XPO4: variants seen among roughly 807,000 people sequenced by gnomAD.
XPO4 encodes the protein exportin 4.
Under a neutral mutation model 143.0 loss-of-function variants are expected in XPO4, and 39 were observed. That is an observed-to-expected ratio of 0.27 (90% CI 0.21 to 0.36). The LOEUF is 0.36. XPO4 is among the 10% of genes least tolerant of loss of function. The pLI is 1.00. For synonymous variants in XPO4, 439 were observed against 474.0 expected, an observed-to-expected ratio of 0.93 and a Z score of 0.96; for missense variants, 907 against 1,348.0, an observed-to-expected ratio of 0.67 and a Z score of 5.12.
At position 20,779,142 on chromosome 13, in the gene XPO4, T is replaced by C. The variant is rs976802754; in HGVS notation, c.*4580A>G. The C allele has an allele frequency of 6.6e-6, 1 of 152,172 alleles. No individual in the cohort carries two copies. The highest frequency in any genetic ancestry group is 2.4e-5 in the African/African-American group (1 of 41,450). The allele number at this position is 152,172 out of a possible 1,614,324, so 9.4% of individuals were successfully genotyped here. ...GAAAAGTCTTAGTGTAAGTTTAAAA[T>C]TTTAATATTTATAAATTTAAAAAAT... On this transcript the variant is annotated 3_prime_UTR_variant, in exon 23 of 23. Coordinates refer to ENST00000255305, the MANE Select transcript of XPO4 (RefSeq NM_022459.5).
chr13:20,795,037 GA>G (rs2059338683), intron 18 of XPO4, among the ~76,000 whole-genome samples: 1 of 150,368 alleles, frequency 6.7e-6, no homozygotes, highest in African/African-American at 2.4e-5. Flanking sequence ...ATGGTCCAGT[GA>G]ATAAGGAATA....
chr13:20,869,657 A>T (rs1394704039), intron 1 of XPO4: 2 of 630,240 alleles, frequency 3.2e-6, no homozygotes, highest in African/African-American at 4.1e-5. Flanking sequence ...TCAAAATAAT[A>T]AAAAAAAAAG....
intron 16 of XPO4, 143 bp downstream of exon 16, chr13:20,799,022 G>GAA (rs559049236): frequency 2.7e-3 from 1,670 of 623,660 alleles, no homozygotes; most frequent in South Asian, 4.5e-3. Flanking sequence ...CCCTATCTCA[G>GAA]AAAAAAAAAA....
Position 20,821,799 on chromosome 13 carries a change from A to T in XPO4, c.1078T>A (p.Leu360Ile), listed in dbSNP as rs1202367488. 1.9e-6 allele frequency: 3 copies of T among 1,614,018 alleles called. No individual in the cohort carries two copies. Among genetic ancestry groups the T allele is most frequent in the Non-Finnish European group, 2.5e-6 (3 of 1,179,996 alleles). Residue 360 changes from leucine to isoleucine, a missense_variant, in exon 9 of 23, where the codon TTA (leucine) becomes ATA (isoleucine). Leu to Ile is a conservative substitution (Grantham distance 5). Coordinates refer to ENST00000255305, the MANE Select transcript of XPO4 (RefSeq NM_022459.5). ...AAAAGTTCACTTGGAATGGCAGTTA[A>T]AACATTTCGTGGGAACACGGTTATC... The part of the protein sequence containing the change: ...NLITVFPRNV[L>I]TAIPSELFSS...
chr13:20,821,090 AT>A lies in XPO4; in HGVS notation c.1173+613del, dbSNP rs574749571. Among the ~76,000 whole-genome samples the A allele has an allele frequency of 5.1e-3, 772 of 152,320 alleles. 6 individuals are homozygous for A. The highest frequency in any genetic ancestry group is 0.017 in the Middle Eastern group (5 of 294). ...GTAGACGTCTAAATTTAAATATAAA[AT>A]ATGGAAAATACACATTTGGAAATTT... On this transcript the variant is annotated intron_variant, in intron 9 of 22. Coordinates refer to ENST00000255305, the MANE Select transcript of XPO4 (RefSeq NM_022459.5).
Position 20,881,417 on chromosome 13 carries a change from C to T in XPO4, c.70-12716G>A, listed in dbSNP as rs373755813. 1.7e-3 allele frequency among the ~76,000 whole-genome samples: 253 copies of T among 152,122 alleles called. 3 individuals are homozygous for T. The South Asian group carries it at 0.026, about 16-fold the overall frequency. On this transcript the variant is annotated intron_variant, in intron 1 of 22. Coordinates refer to ENST00000255305, the MANE Select transcript of XPO4 (RefSeq NM_022459.5). ...CCAAGCAGCTGGGACTACAGGCACC[C>T]GCCACCATGCCCAGCTAATTTTTTT...
At chr13:20,826,555 A>G (rs185524189) in intron 7 of XPO4, among the ~76,000 whole-genome samples, 83 of 152,368 alleles carry the variant, frequency 5.4e-4, no homozygotes, top group African/African-American at 1.8e-3. Flanking sequence ...CTGAAGGCAG[A>G]AGCAGGTAAG....
chr13:20,868,796 C>A (rs572825627), intron 1 of XPO4, 95 bp from the exon 2 acceptor site: 111 of 1,149,354 alleles, frequency 9.7e-5, no homozygotes, highest in Non-Finnish European at 1.2e-4. Context: ...AATGCCTTCA[C>A]TTTTGGGGGG....
At position 20,858,934 on chromosome 13, in the gene XPO4, A is replaced by G. The variant is rs199540034; in HGVS notation, c.318-3169T>C. 8.4e-4 allele frequency among the ~76,000 whole-genome samples: 123 copies of G among 146,570 alleles called. 2 individuals carry two copies. Among genetic ancestry groups the G allele is most frequent in the African/African-American group, 3.0e-3 (119 of 39,984 alleles). ...TATATGTGTGTGTGTATATATATAT[A>G]TATATATATATATATGTGAGCTATT... On this transcript the variant is annotated intron_variant, in intron 3 of 22. Coordinates refer to ENST00000255305, the MANE Select transcript of XPO4 (RefSeq NM_022459.5).
intron 1 of XPO4, chr13:20,869,452 T>G (rs2060273514): frequency 1.1e-6 from 1 of 917,584 alleles, no homozygotes; most frequent in Non-Finnish European, 1.3e-6. Context: ...TACAAATACT[T>G]AATTTGGGAA....
Position 20,799,153 on chromosome 13 carries a change from C to G in XPO4, c.2322+12G>C. On this transcript the variant is annotated intron_variant, in intron 16 of 22. Transcript: ENST00000255305. ...CACAAAAGGGTGCAATCAAAATAGA[C>G]AGCACTGTTACCTCTGTCCAATACT... 1.3e-6 allele frequency: 2 copies of G among 1,567,732 alleles called. No individual in the cohort carries two copies. The highest frequency in any genetic ancestry group is 8.7e-7 in the Non-Finnish European group (1 of 1,150,562).
At chr13:20,868,056 A>T (rs555124953) in intron 2 of XPO4, among the ~76,000 whole-genome samples, 1 of 152,290 alleles carries the variant, frequency 6.6e-6, no homozygotes, top group African/African-American at 2.4e-5. Context: ...GATACTCATA[A>T]AACATATTTG....
intron 1 of XPO4, among the ~76,000 whole-genome samples, chr13:20,873,730 A>C (rs2060325260): frequency 6.6e-6 from 1 of 152,156 alleles, no homozygotes; most frequent in African/African-American, 2.4e-5. Context: ...TCCCAGGTTC[A>C]AGCAATTCTC....
chr13:20,795,306 C>T (rs1014449357), intron 18 of XPO4, among the ~76,000 whole-genome samples: 8 of 152,160 alleles, frequency 5.3e-5, no homozygotes, highest in African/African-American at 1.9e-4. Context: ...GAAAACTATA[C>T]ACATATATGA....
intron 1 of XPO4, among the ~76,000 whole-genome samples, chr13:20,884,192 A>G (rs1280016645): frequency 6.6e-6 from 1 of 152,108 alleles, no homozygotes; most frequent in Non-Finnish European, 1.5e-5. Context: ...CTGGGCAACA[A>G]GGCAGTCTCA....
intron 4 of XPO4, chr13:20,850,969 C>T (rs1263982307): frequency 6.7e-5 from 66 of 985,158 alleles, no homozygotes; most frequent in Non-Finnish European, 7.7e-5. Flanking sequence ...ATTTTTTCTA[C>T]TTTTCAAATC....
intron 1 of XPO4, among the ~76,000 whole-genome samples, chr13:20,876,604 G>A (rs2060355932): frequency 6.6e-6 from 1 of 152,198 alleles, no homozygotes; most frequent in Non-Finnish European, 1.5e-5. Context: ...AGGAAAGTAT[G>A]ATGTCAAAGT....
At chr13:20,792,586 T>C (rs936060155) in intron 18 of XPO4, among the ~76,000 whole-genome samples, 2 of 138,724 alleles carry the variant, frequency 1.4e-5, no homozygotes, top group East Asian at 2.0e-4. Flanking sequence ...AACAAACAAA[T>C]AAACAAACAA....
At chr13:20,849,050 T>C (rs1404005965) in intron 4 of XPO4, 11 of 985,442 alleles carry the variant, frequency 1.1e-5, no homozygotes, top group Non-Finnish European at 1.3e-5. Flanking sequence ...CAGAGATAGC[T>C]TGCCTTACTC....
Sources: gnomAD v4.1 joint callset for allele counts (sites outside exome capture counted in the v4.1 genomes callset) on GRCh38, gnomAD v4.1.1 for gene constraint, MANE v1.5 for transcripts, NCBI Gene and HGNC (gene_info 2026-07-23, HGNC 2026-07-21) for gene names.